Variants in NAA16 observed in about 807,000 individuals in gnomAD.
NAA16 encodes N-alpha-acetyltransferase 16, NatA auxiliary subunit.
A neutral mutation model predicts 110.3 loss-of-function variants in NAA16; 97 were observed. The ratio of observed to expected loss-of-function variants is 0.88; its 90% CI spans 0.75 to 1.04. NAA16 has a LOEUF of 1.04. NAA16 is among the 50% of genes least tolerant of loss of function. The probability of loss-of-function intolerance (pLI) is 0.00; values close to 1 mark genes in which losing one functional copy is unlikely to be tolerated. For missense variants in NAA16, 1,017 were observed against 1,005.1 expected (o/e 1.01, Z -0.16); for synonymous variants, 372 against 330.6 (o/e 1.13, Z -1.36).
At chr13:41,358,160 C>T (rs913674822) in intron 10 of NAA16, 144 bp from the exon 11 acceptor site, 8 of 713,090 alleles carry the variant, frequency 1.1e-5, no homozygotes, top group Non-Finnish European at 1.8e-5. Flanking sequence ...AGTCATACCT[C>T]TTTCTTTTGA....
In NAA16 at chr13:41,375,683, C is replaced by A. The variant is rs1292256691; in HGVS notation, c.*81C>A. The A allele has an allele frequency of 8.8e-6, 9 of 1,017,432 alleles. No homozygotes were observed. In the Admixed American group the frequency reaches 2.0e-4, roughly 23 times the overall value. The allele number at this position is 1,017,432 out of a possible 1,614,324, so 63.0% of individuals were successfully genotyped here. On this transcript the variant is annotated 3_prime_UTR_variant, in exon 20 of 20. Coordinates refer to ENST00000379406, the MANE Select transcript of NAA16 (RefSeq NM_024561.5). The stretch of plus-strand genomic sequence containing the variant: ...CTTTTCCAGGGTGCATTTTAATATA[C>A]GTATGAAATGAAATATTTGGTTAGG...
rs1272000468 is a variant in NAA16, at chr13:41,372,801, A to G, written c.2126A>G (p.His709Arg). ...FAINSNNPWL[H>R]ECLIRFSKSV... ...ATTAACAGTAATAACCCATGGTTAC[A>G]TGAATGTTTAATTAGATTTTCTAAA... The change falls in exon 17 of 20, where the codon CAT (histidine) becomes CGT (arginine). Residue 709 changes from histidine to arginine, a missense_variant. By Grantham distance (29) the His-to-Arg change is conservative. Coordinates refer to ENST00000379406, the MANE Select transcript of NAA16 (RefSeq NM_024561.5). The G allele has an allele frequency of 1.3e-6, 2 of 1,588,872 alleles. No homozygotes were observed. Among genetic ancestry groups the G allele is most frequent in the African/African-American group, 1.3e-5 (1 of 74,358 alleles).
intron 14 of NAA16, 100 bp from the exon 15 acceptor site, chr13:41,368,990 C>T: frequency 9.7e-7 from 1 of 1,030,060 alleles, no homozygotes; most frequent in Non-Finnish European, 1.4e-6. Flanking sequence ...CAATCCCCCA[C>T]TGATACCAAG....
In NAA16 at chr13:41,355,160, A is replaced by G. The variant is rs17062054; in HGVS notation, c.1031A>G (p.Glu344Gly). The change falls in exon 10 of 20, where the codon GAA becomes GGA. Residue 344 changes from glutamate (E) to glycine (G), a missense_variant. Coordinates refer to ENST00000379406, the MANE Select transcript of NAA16 (RefSeq NM_024561.5). ...CTTTAACAGGTTTCTATAATCCAGG[A>G]ACTTGTTACTAATTATGAAGCCTCT... ...YNTEKVSIIQ[E>G]LVTNYEASLK... 0.014 allele frequency: 21,794 copies of G among 1,584,772 alleles called. 2,498 individuals carry two copies. The African/African-American group carries it at 0.25, about 19-fold the overall frequency.
In NAA16 at chr13:41,374,772, C is replaced by A; in HGVS notation, c.2330C>A (p.Ser777Ter). The A allele has an allele frequency of 6.2e-7, 1 of 1,612,474 alleles. No homozygotes were observed. The highest frequency in any genetic ancestry group is 1.1e-5 in the South Asian group (1 of 90,892). The change falls in exon 19 of 20, where the codon TCA becomes TAA. Residue 777 changes from serine to a stop codon, truncating the protein, a stop_gained. Transcript: ENST00000379406. LOFTEE classifies it high-confidence loss of function. ...AAAATGATGTATTTTCTGGACAAGT[C>A]AAGGCAGGAGAAAGCAATTGCTATA... ...GAKMMYFLDK[S>*]RQEKAIAIAT...
At chr13:41,321,827 A>G (rs1023714541) in intron 4 of NAA16, among the ~76,000 whole-genome samples, 6 of 152,150 alleles carry the variant, frequency 3.9e-5, no homozygotes, top group African/African-American at 1.4e-4. Context: ...TAAATACATT[A>G]TTTATATACT....
intron 17 of NAA16, chr13:41,373,100 C>T: frequency 2.2e-6 from 2 of 908,782 alleles, no homozygotes; most frequent in Non-Finnish European, 2.6e-6. Flanking sequence ...TAATAATTTA[C>T]ATAGTTAAAT....
At chr13:41,375,323 C>A in intron 19 of NAA16, 82 bp from the exon 20 acceptor site, 1 of 948,082 alleles carries the variant, frequency 1.1e-6, no homozygotes, top group Non-Finnish European at 1.6e-6. Context: ...CAATTTAACA[C>A]ATTGCATCTT....
intron 9 of NAA16, among the ~76,000 whole-genome samples, chr13:41,350,590 C>T (rs1209822558): frequency 6.7e-6 from 1 of 148,816 alleles, no homozygotes; most frequent in African/African-American, 2.5e-5. Context: ...GCCACCGCGC[C>T]CTGCCAGTTT....
In NAA16 at chr13:41,362,033, A is replaced by G. The variant is rs575529950; in HGVS notation, c.1413A>G (p.Glu471=). Residue 471 remains glutamate (E), a splice_region_variant and synonymous_variant, in exon 13 of 20, where the codon GAA becomes GAG. Coordinates refer to ENST00000379406, the MANE Select transcript of NAA16 (RefSeq NM_024561.5). Reference sequence around the variant, plus strand: ...AGTTTTGAATGCTTCCATTTCAGGAAGGAACATCTGCCATGGAAAATCTAA... The same window carrying G: ...AGTTTTGAATGCTTCCATTTCAGGAGGGAACATCTGCCATGGAAAATCTAA... ...AEEMCSKFTR[E]GTSAMENLNE... The G allele has an allele frequency of 6.2e-7, 1 of 1,610,246 alleles. No individual in the cohort carries two copies. The highest frequency in any genetic ancestry group is 1.7e-5 in the Admixed American group (1 of 59,170).
intron 18 of NAA16, 112 bp from the exon 19 acceptor site, chr13:41,374,630 G>A (rs2043392079): frequency 1.5e-6 from 1 of 683,368 alleles, no homozygotes; most frequent in African/African-American, 1.8e-5. Flanking sequence ...GCCAGCTCCA[G>A]CTTACCACTG....
Position 41,325,745 on chromosome 13 carries a change from C to T in NAA16, c.585C>T (p.Tyr195=). The change falls in exon 6 of 20, where the codon TAC becomes TAT. Residue 195 remains tyrosine, a synonymous_variant. Transcript: ENST00000379406. ...ATGAATATAGTGAATTGATATTATA[C>T]CAGAATCAAGTGATGAGAGAGGCAG... ...IDYEYSELIL[Y]QNQVMREADL... The T allele has an allele frequency of 6.3e-7, 1 of 1,599,884 alleles. No individual in the cohort carries two copies. Among genetic ancestry groups the T allele is most frequent in the Non-Finnish European group, 8.6e-7 (1 of 1,169,290 alleles).
At chr13:41,331,027 G>T (rs2042223406) in intron 7 of NAA16, among the ~76,000 whole-genome samples, 6 of 152,006 alleles carry the variant, frequency 3.9e-5, no homozygotes, top group Admixed American at 3.9e-4. Context: ...TGTGATTTGG[G>T]TTGTATTTAG....
Position 41,340,647 on chromosome 13 carries a change from GTTTTTTTTTTTTTTTTTTTTTTTTTTTTT to G in NAA16, c.1014+3907_1014+3935del, listed in dbSNP as rs754237653. ...CATATAGTTGTGCGGTTTTGAGTGA[GTTTTTTTTTTTTTTTTTTTTTTTTTTTTT>G]TTTTTTTTTTTTTTTCCGAGACGGA... is the stretch of plus-strand genomic sequence containing the variant. On this transcript the variant is annotated intron_variant, in intron 9 of 19. Coordinates refer to ENST00000379406, the MANE Select transcript of NAA16 (RefSeq NM_024561.5). Among the ~76,000 whole-genome samples the G allele has an allele frequency of 3.7e-4, 16 of 43,538 alleles. 1 individual carries two copies. The highest frequency in any genetic ancestry group is 5.8e-4 in the Non-Finnish European group (13 of 22,282). 28.6% of individuals were successfully genotyped at this position (43,538 alleles called of 152,430 possible). A position where few individuals can be genotyped will look rare whatever the true frequency, so the allele number is the denominator to read the frequency against.
chr13:41,337,900 A>C (rs962433433), intron 9 of NAA16, among the ~76,000 whole-genome samples: 1 of 152,112 alleles, frequency 6.6e-6, no homozygotes, highest in Non-Finnish European at 1.5e-5. Flanking sequence ...TTTCATAAAC[A>C]AAAGAAACAA....
chr13:41,334,546 C>T (rs1032171346), intron 8 of NAA16, among the ~76,000 whole-genome samples: 1 of 152,126 alleles, frequency 6.6e-6, no homozygotes, highest in African/African-American at 2.4e-5. Flanking sequence ...GTTTTGGGGA[C>T]ATCATGCTAA....
intron 9 of NAA16, among the ~76,000 whole-genome samples, chr13:41,350,598 T>G (rs1335883113): frequency 2.7e-4 from 5 of 18,704 alleles, no homozygotes; most frequent in Admixed American, 1.2e-3. Flanking sequence ...GCCCTGCCAG[T>G]TTTTTTTTGT....
chr13:41,315,007 A>G (rs2041770800), intron 1 of NAA16, among the ~76,000 whole-genome samples: 3 of 152,016 alleles, frequency 2.0e-5, no homozygotes, highest in African/African-American at 7.3e-5. Flanking sequence ...AATAAATAAG[A>G]AAGATAGGTG....
chr13:41,336,326 C>T (rs2042380338), intron 8 of NAA16, among the ~76,000 whole-genome samples: 1 of 152,102 alleles, frequency 6.6e-6, no homozygotes, highest in Admixed American at 6.5e-5. Flanking sequence ...CATTTGTAAA[C>T]ACCAGCTTAG....
Sources: allele counts gnomAD v4.1 joint callset (sites outside exome capture counted in the v4.1 genomes callset), GRCh38; gene constraint gnomAD v4.1.1; transcripts MANE v1.5; gene names NCBI Gene and HGNC (gene_info 2026-07-23, HGNC 2026-07-21).